The following MRM2 variants were observed in gnomAD, a reference collection of about 807,000 sequenced individuals.
MRM2 encodes the protein mitochondrial rRNA methyltransferase 2.
Under a neutral mutation model 10.9 loss-of-function variants are expected in MRM2, and 15 were observed. The ratio of observed to expected loss-of-function variants is 1.37; its 90% CI spans 0.92 to 2.11. MRM2 has a LOEUF of 2.11. Among genes scored for constraint, MRM2 ranks in the 30% most tolerant of loss-of-function variants. MRM2 has a pLI of 0.00. For missense variants in MRM2, 328 were observed against 321.3 expected (o/e 1.02, Z -0.16); for synonymous variants, 139 against 128.7 (o/e 1.08, Z -0.54).
Position 2,235,431 on chromosome 7 carries a change from AG to A in MRM2, c.431del (p.Pro144LeufsTer7). 1 of 1,614,078 alleles carries A rather than the reference AG, an allele frequency of 6.2e-7. No individual in the cohort carries two copies. The highest frequency in any genetic ancestry group is 8.5e-7 in the Non-Finnish European group (1 of 1,180,018). Reference sequence around the variant, plus strand: ...TCAGAATCACATCTGCTCTCCTGCCAGGAAGCACCTCGAGGATTCTCTGTGA... The same window carrying A: ...TCAGAATCACATCTGCTCTCCTGCCAGAAGCACCTCGAGGATTCTCTGTGA... Reference protein sequence around the residue: ...RTSQRILEVLPGRRADVILSD... With the variant: ...RTSQRILEVLXGRRADVILSD... On this transcript the variant is annotated frameshift_variant, in exon 3 of 3. Transcript: ENST00000242257. LOFTEE classifies it high-confidence loss of function.
At chr7:2,236,091 G>A (rs775969874) in intron 2 of MRM2, among the ~76,000 whole-genome samples, 5 of 152,090 alleles carry the variant, frequency 3.3e-5, no homozygotes, top group African/African-American at 4.8e-5. Flanking sequence ...TTAGGCAGGC[G>A]TGGTGGCACG....
At chr7:2,239,740 C>G (rs756527892) in intron 1 of MRM2, 33 bp from the exon 2 acceptor site, 2 of 1,596,290 alleles carry the variant, frequency 1.3e-6, no homozygotes, top group South Asian at 2.2e-5. Context: ...GGCAGGTTGG[C>G]ATCACACAGA....
In MRM2 at chr7:2,234,210, C is replaced by G. The variant is rs916106212; in HGVS notation, c.*912G>C. On this transcript the variant is annotated 3_prime_UTR_variant, in exon 3 of 3. Transcript: ENST00000242257. ...AGCATGAAAGTACCTTAAAATAATGCAATCTCTATTATTTTATTAAATATA... is the reference window on the plus strand; with the variant it reads ...AGCATGAAAGTACCTTAAAATAATGGAATCTCTATTATTTTATTAAATATA... 3.9e-5 allele frequency: 6 copies of G among 152,108 alleles called. No homozygotes were observed. The highest frequency in any genetic ancestry group is 1.4e-4 in the African/African-American group (6 of 41,390). 9.4% of individuals were successfully genotyped at this position (152,108 alleles called of 1,614,324 possible). A position where few individuals can be genotyped will look rare whatever the true frequency, so the allele number is the denominator to read the frequency against.
intron 2 of MRM2, among the ~76,000 whole-genome samples, chr7:2,237,108 C>G (rs1015318299): frequency 6.6e-6 from 1 of 152,144 alleles, no homozygotes; most frequent in African/African-American, 2.4e-5. Context: ...CAGGTTCGAG[C>G]GACCCCTGCC....
rs11323829 is a variant in MRM2 at position 2,237,891 on chromosome 7, C to CAAAAA, written c.298+1522_298+1526dup. ...GGGCAACAGAGTGAGGCTCTATAAA[C>CAAAAA]AAAAAAAAAAAAAAAAAAAAAAAAT... On this transcript the variant is annotated intron_variant, in intron 2 of 2. Transcript: ENST00000242257. 2.4e-4 allele frequency: 20 copies of CAAAAA among 82,214 alleles called. 1 individual carries two copies. Among genetic ancestry groups the CAAAAA allele is most frequent in the Non-Finnish European group, 3.9e-4 (16 of 41,400 alleles). The allele number at this position is 82,214 out of a possible 1,614,324, so 5.1% of individuals were successfully genotyped here.
chr7:2,236,447 G>T (rs1794420873), intron 2 of MRM2, among the ~76,000 whole-genome samples: 2 of 152,146 alleles, frequency 1.3e-5, no homozygotes, highest in African/African-American at 4.8e-5. Flanking sequence ...CCAGCACTTT[G>T]GGAGGCTGAA....
chr7:2,241,670 C>T (rs1398641495), intron 1 of MRM2, among the ~76,000 whole-genome samples: 2 of 152,248 alleles, frequency 1.3e-5, no homozygotes, highest in African/African-American at 4.8e-5. Flanking sequence ...AAGGCCAAAG[C>T]TTCTAGCTTC....
chr7:2,241,448 A>ATTTTTT (rs11382094), intron 1 of MRM2: 1 of 145,476 alleles, frequency 6.9e-6, no homozygotes, highest in Admixed American at 6.9e-5. Flanking sequence ...GCCTGGGCTA[A>ATTTTTT]TTTTTTTTTT....
intron 1 of MRM2, 83 bp from the exon 2 acceptor site, chr7:2,239,790 A>AT (rs1794489320): frequency 7.9e-7 from 1 of 1,273,338 alleles, no homozygotes; most frequent in Non-Finnish European, 1.1e-6. Flanking sequence ...GGATCAACTC[A>AT]TTCATTTCTA....
At chr7:2,239,377 CA>C (rs1172323110) in intron 2 of MRM2, 40 bp downstream of exon 2, 4 of 1,573,834 alleles carry the variant, frequency 2.5e-6, no homozygotes, top group Non-Finnish European at 3.5e-6. Flanking sequence ...CACTCAGCCT[CA>C]GGGGAGCCAG....
At chr7:2,240,248 T>C (rs1186556808) in intron 1 of MRM2, 1 of 455,298 alleles carries the variant, frequency 2.2e-6, no homozygotes. Context: ...CATCAATTAA[T>C]TAATTAAAGT....
Position 2,235,581 on chromosome 7 carries a change from G to A in MRM2, c.299-17C>T. Reference sequence around the variant, plus strand: ...AGCTGGGATCTATGGAAGAAATGGTGAATGTGTTATTTATTTACACCCTGA... The same window carrying A: ...AGCTGGGATCTATGGAAGAAATGGTAAATGTGTTATTTATTTACACCCTGA... On this transcript the variant is annotated splice_polypyrimidine_tract_variant and intron_variant, in intron 2 of 2. Transcript: ENST00000242257. The A allele has an allele frequency of 6.5e-7, 1 of 1,548,734 alleles. No individual in the cohort carries two copies. The highest frequency in any genetic ancestry group is 1.7e-4 in the Middle Eastern group (1 of 5,878).
Position 2,235,475 on chromosome 7 carries a change from C to A in MRM2, c.388G>T (p.Val130Leu), listed in dbSNP as rs758318346. The part of the protein sequence containing the change: ...EGATFLCPAD[V>L]TDPRTSQRIL... ...CTCTGTGAGGTTCTCGGGTCAGTCACGTCAGCAGGGCACAGAAAAGTTGCT... is the reference window on the plus strand; with the variant it reads ...CTCTGTGAGGTTCTCGGGTCAGTCAAGTCAGCAGGGCACAGAAAAGTTGCT... Residue 130 changes from valine to leucine, a missense_variant, in exon 3 of 3, where the codon GTG (valine) becomes TTG (leucine). Coordinates refer to ENST00000242257, the MANE Select transcript of MRM2 (RefSeq NM_013393.3). 23 of 1,613,834 alleles carry A rather than the reference C, an allele frequency of 1.4e-5. No individual in the cohort carries two copies. In the South Asian group the frequency reaches 1.8e-4, roughly 12 times the overall value.
Position 2,239,508 on chromosome 7 carries a change from G to A in MRM2, c.208C>T (p.Leu70=). The A allele has an allele frequency of 6.2e-7, 1 of 1,613,998 alleles. No homozygotes were observed. The highest frequency in any genetic ancestry group is 1.7e-4 in the Middle Eastern group (1 of 6,060). ...TCTAACACCCGAAGGCCGGGCCGCA[G>A]AATCTGGTGCCTCTCGTTCACCTCC... ...LLEVNERHQI[L]RPGLRVLDCG... The change falls in exon 2 of 3, where the codon CTG becomes TTG. Residue 70 remains leucine, a synonymous_variant. Coordinates refer to ENST00000242257, the MANE Select transcript of MRM2 (RefSeq NM_013393.3).
intron 2 of MRM2, 42 bp from the exon 3 acceptor site, chr7:2,235,606 A>T: frequency 7.3e-7 from 1 of 1,377,438 alleles, no homozygotes; most frequent in Non-Finnish European, 1.0e-6. Flanking sequence ...TTACACCCTG[A>T]ATCTTTTTAC....
chr7:2,235,626 G>C, intron 2 of MRM2, 62 bp from the exon 3 acceptor site: 1 of 1,135,652 alleles, frequency 8.8e-7, no homozygotes, highest in Non-Finnish European at 1.3e-6. Flanking sequence ...CAAAAATACA[G>C]TACATGCAAC....
chr7:2,241,719 A>C (rs1487381640), intron 1 of MRM2, among the ~76,000 whole-genome samples: 1 of 152,192 alleles, frequency 6.6e-6, no homozygotes, highest in Non-Finnish European at 1.5e-5. Context: ...GGAGGCACTG[A>C]CTGCTGACCG....
intron 1 of MRM2, 144 bp downstream of exon 1, chr7:2,242,018 G>T: frequency 3.5e-6 from 3 of 847,182 alleles, no homozygotes; most frequent in Non-Finnish European, 3.4e-6. Flanking sequence ...CGGAATCCTG[G>T]CCTCGCCCCT....
At position 2,239,035 on chromosome 7, in the gene MRM2, T is replaced by C. The variant is rs1794473453; in HGVS notation, c.298+383A>G. On this transcript the variant is annotated intron_variant, in intron 2 of 2. Transcript: ENST00000242257. ...TATATATATATATATATATAATACA[T>C]ATATGTATGTATCATTAAGCAAAAA... 5 of 357,432 alleles carry C rather than the reference T, an allele frequency of 1.4e-5. 1 individual carries two copies. In the South Asian group the frequency reaches 1.5e-4, roughly 11 times the overall value. 22.1% of individuals were successfully genotyped at this position (357,432 alleles called of 1,614,324 possible). A position where few individuals can be genotyped will look rare whatever the true frequency, so the allele number is the denominator to read the frequency against.
Sources: allele counts gnomAD v4.1 joint callset (sites outside exome capture counted in the v4.1 genomes callset), GRCh38; gene constraint gnomAD v4.1.1; transcripts MANE v1.5; gene names NCBI Gene and HGNC (gene_info 2026-07-23, HGNC 2026-07-21).